Variants in DMD observed in about 807,000 individuals in gnomAD.
The protein encoded by DMD is mutant dystrophin.
Under a neutral mutation model 330.1 loss-of-function variants are expected in DMD, and 63 were observed. The observed-to-expected ratio is 0.19, with a 90% CI of 0.16 to 0.24. The LOEUF is 0.24. Ranked by LOEUF, DMD falls within the 10% of genes least tolerant of loss-of-function variation. The probability of loss-of-function intolerance (pLI) is 1.00; values close to 1 mark genes in which losing one functional copy is unlikely to be tolerated. For synonymous variants in DMD, 1,223 were observed against 959.8 expected (o/e 1.27, Z -5.07); for missense variants, 3,344 against 2,684.1 (o/e 1.25, Z -5.43).
chrX:31,653,426 A>AT (rs2080582284), intron 54 of DMD, among the ~76,000 whole-genome samples: 1 of 110,620 alleles, frequency 9.0e-6, no homozygotes, highest in African/African-American at 3.3e-5. Context: ...ACCTAGAGGG[A>AT]TTTTTTAGTA....
At chrX:31,885,576 C>G (rs367913278) in intron 47 of DMD, among the ~76,000 whole-genome samples, 1 of 93,772 alleles carries the variant, frequency 1.1e-5, no homozygotes, top group East Asian at 3.4e-4. Context: ...CGCCACTGCA[C>G]TCCTGCCTGG....
At chrX:33,020,813 G>C (rs944774835) in intron 1 of DMD, among the ~76,000 whole-genome samples, 4 of 111,506 alleles carry the variant, frequency 3.6e-5, no homozygotes, top group Admixed American at 1.9e-4. Context: ...ATAATTAAAA[G>C]AAACTCTCAG....
intron 59 of DMD, among the ~76,000 whole-genome samples, chrX:31,451,216 TTC>T (rs1388650345): frequency 1.9e-5 from 2 of 107,502 alleles, no homozygotes; most frequent in Non-Finnish European, 3.8e-5. Context: ...CTTTCTTTTT[TTC>T]AAGAGACTTC....
chrX:32,753,254 A>G (rs1474071502), intron 7 of DMD, among the ~76,000 whole-genome samples: 1 of 112,055 alleles, frequency 8.9e-6, no homozygotes, highest in Admixed American at 9.5e-5. Flanking sequence ...CAAAAATAAA[A>G]TTAAACTATT....
chrX:32,418,783 C>T (rs2098176415), intron 29 of DMD, among the ~76,000 whole-genome samples: 1 of 108,666 alleles, frequency 9.2e-6, no homozygotes, highest in Non-Finnish European at 1.9e-5. Flanking sequence ...ACCATCCTGG[C>T]TGACACGGTG....
chrX:33,118,933 G>A lies in DMD; in HGVS notation c.31+92349C>T, dbSNP rs1317914073. On this transcript the variant is annotated intron_variant, in intron 1 of 78. Transcript: ENST00000357033. The stretch of plus-strand genomic sequence containing the variant: ...TTCACCACTGTGGAAGAGCTTCCCA[G>A]TACAACTACTACTACTGCCAACCAC... 4.5e-5 allele frequency among the ~76,000 whole-genome samples: 5 copies of A among 111,795 alleles called. No individual in the cohort carries two copies. In the East Asian group the frequency reaches 1.4e-3, roughly 32 times the overall value.
intron 49 of DMD, among the ~76,000 whole-genome samples, chrX:31,820,594 C>T (rs2092731953): frequency 8.9e-6 from 1 of 112,034 alleles, no homozygotes; most frequent in Admixed American, 9.4e-5. Flanking sequence ...AGTAGACATT[C>T]TTCAACTGTC....
At chrX:31,880,471 A>G (rs1211372227) in intron 47 of DMD, among the ~76,000 whole-genome samples, 1 of 112,367 alleles carries the variant, frequency 8.9e-6, no homozygotes, top group East Asian at 2.8e-4. Context: ...GAAATTGACA[A>G]AAATGTAAAC....
At chrX:32,647,288 T>C (rs778970963) in intron 9 of DMD, among the ~76,000 whole-genome samples, 1 of 112,040 alleles carries the variant, frequency 8.9e-6, no homozygotes, top group South Asian at 3.7e-4. Flanking sequence ...ATCTGTCCTA[T>C]TTGCATATAG....
At chrX:33,045,315 T>TACACACACACACACACACAC (rs55970492) in intron 1 of DMD, among the ~76,000 whole-genome samples, 6,062 of 96,618 alleles carry the variant, frequency 0.063, 235 homozygotes, top group Non-Finnish European at 0.092. Flanking sequence ...CACAGGTGCG[T>TACACACACACACACACACAC]ACACACACAC....
chrX:33,039,966 A>T (rs925544491), intron 1 of DMD, among the ~76,000 whole-genome samples: 1 of 111,178 alleles, frequency 9.0e-6, no homozygotes, highest in Non-Finnish European at 1.9e-5. Flanking sequence ...GACTGGATAC[A>T]TGAAAGGTTT....
chrX:32,029,300 A>G (rs2147231347), intron 44 of DMD, among the ~76,000 whole-genome samples: 1 of 111,925 alleles, frequency 8.9e-6, no homozygotes, highest in Non-Finnish European at 1.9e-5. Flanking sequence ...TATTGAATAA[A>G]TCAATCCAAG....
rs756252512 is a variant in DMD, at chrX:31,240,745, T to C, written c.9287-17624A>G. ...TATCATTTATTAGGTGCTTACCCTA[T>C]GTTTGCAATAAATAACATAAATTCT... On this transcript the variant is annotated intron_variant, in intron 63 of 78. Coordinates refer to ENST00000357033, the MANE Select transcript of DMD (RefSeq NM_004006.3). 3.9e-3 allele frequency among the ~76,000 whole-genome samples: 442 copies of C among 111,939 alleles called. 1 individual carries two copies. The highest frequency in any genetic ancestry group is 0.011 in the African/African-American group (332 of 30,881).
rs1028439924 is a variant in DMD, at chrX:31,359,872, C to T, written c.9085-11238G>A. On this transcript the variant is annotated intron_variant, in intron 60 of 78. Transcript: ENST00000357033. ...GTTGGAGAGACCACTTTCTGGCACTCGGTATGTACTCATTTTTCTGATAAC... is the reference window on the plus strand; with the variant it reads ...GTTGGAGAGACCACTTTCTGGCACTTGGTATGTACTCATTTTTCTGATAAC... Among the ~76,000 whole-genome samples the T allele has an allele frequency of 4.5e-5, 5 of 111,712 alleles. No individual in the cohort carries two copies. The East Asian group carries it at 1.1e-3, about 25-fold the overall frequency.
intron 48 of DMD, among the ~76,000 whole-genome samples, chrX:31,862,038 GA>G (rs2093715533): frequency 9.1e-6 from 1 of 110,209 alleles, no homozygotes; most frequent in African/African-American, 3.3e-5. Context: ...CATGGGGAGA[GA>G]AACTGTGTGG....
chrX:31,453,823 A>T (rs2065959712), intron 59 of DMD, among the ~76,000 whole-genome samples: 1 of 106,539 alleles, frequency 9.4e-6, no homozygotes, highest in Non-Finnish European at 1.9e-5. Flanking sequence ...CAATGACACA[A>T]TTAAAACAAA....
In DMD at chrX:32,604,249, T is replaced by C. The variant is rs761065700; in HGVS notation, c.1483-8373A>G. 6.3e-5 allele frequency among the ~76,000 whole-genome samples: 7 copies of C among 110,574 alleles called. No homozygotes were observed. The South Asian group carries it at 2.3e-3, about 36-fold the overall frequency. ...TATATGTTTTGTGTGGTGCAATATATGCAGAGCAATATATGTGATTCACCA... is the reference window on the plus strand; with the variant it reads ...TATATGTTTTGTGTGGTGCAATATACGCAGAGCAATATATGTGATTCACCA... On this transcript the variant is annotated intron_variant, in intron 12 of 78. Transcript: ENST00000357033.
At chrX:31,432,895 T>C (rs921613817) in intron 60 of DMD, among the ~76,000 whole-genome samples, 4 of 112,706 alleles carry the variant, frequency 3.5e-5, no homozygotes, top group Non-Finnish European at 7.5e-5. Context: ...ATATTTTATA[T>C]TTTTAGATTT....
At chrX:31,213,690 C>T (rs1433209132) in intron 64 of DMD, among the ~76,000 whole-genome samples, 3 of 111,803 alleles carry the variant, frequency 2.7e-5, no homozygotes, top group Non-Finnish European at 3.8e-5. Context: ...ACTCTAGATT[C>T]GTAAGCACTG....
Sources: gnomAD v4.1 joint callset for allele counts (sites outside exome capture counted in the v4.1 genomes callset) on GRCh38, gnomAD v4.1.1 for gene constraint, MANE v1.5 for transcripts, NCBI Gene and HGNC (gene_info 2026-07-23, HGNC 2026-07-21) for gene names.